PDE3B: variants seen among roughly 807,000 people sequenced by gnomAD.
The protein encoded by PDE3B is cGMP-inhibited 3',5'-cyclic phosphodiesterase 3B.
PDE3B carries 66 observed loss-of-function variants against 116.8 expected under a neutral mutation model. That is an observed-to-expected ratio of 0.56 (90% CI 0.46 to 0.69). The LOEUF (loss-of-function observed/expected upper bound fraction) is 0.69, where lower values mean the gene tolerates loss of function less well. Ranked by LOEUF, PDE3B falls within the 30% of genes least tolerant of loss-of-function variation. PDE3B has a pLI of 0.00. For synonymous variants in PDE3B, 595 were observed against 533.6 expected (o/e 1.12, Z -1.59); for missense variants, 1,384 against 1,368.1 (o/e 1.01, Z -0.18).
In PDE3B at chr11:14,832,844, A is replaced by G. The variant is rs199832585; in HGVS notation, c.2206+11A>G. On this transcript the variant is annotated intron_variant, in intron 10 of 15. Coordinates refer to ENST00000282096, the MANE Select transcript of PDE3B (RefSeq NM_000922.4). ...ATCGAGACATTCCTTGTAAGTATTA[A>G]CATATTTTATTATTTAAGTTCAAAT... The G allele has an allele frequency of 1.8e-4, 201 of 1,133,144 alleles. No individual in the cohort carries two copies. The African/African-American group carries it at 2.8e-3, about 16-fold the overall frequency. 70.2% of individuals were successfully genotyped at this position (1,133,144 alleles called of 1,614,324 possible).
intron 12 of PDE3B, among the ~76,000 whole-genome samples, chr11:14,856,480 A>G (rs528867502): frequency 2.6e-5 from 4 of 152,302 alleles, no homozygotes; most frequent in African/African-American, 7.2e-5. Context: ...TTTATCTGCT[A>G]TCTCTCTACT....
chr11:14,890,537 C>CTTTTTTTTTTTTTTT, the PDE3B span: 2 of 64,272 alleles, frequency 3.1e-5, no homozygotes, highest in African/African-American at 1.4e-4. Context: ...TAGACCAATT[C>CTTTTTTTTTTTTTTT]TTTTTTTTTT....
At chr11:14,784,171 C>G (rs1453344341) in intron 2 of PDE3B, among the ~76,000 whole-genome samples, 1 of 152,138 alleles carries the variant, frequency 6.6e-6, no homozygotes, top group Non-Finnish European at 1.5e-5. Flanking sequence ...AAACCTGTCC[C>G]TGATGCCAAA....
Position 14,804,038 on chromosome 11 carries a change from C to G in PDE3B, c.1510C>G (p.Leu504Val). ...SSVSLTHHVG[L>V]RRAGVLSSLS... ...TGTATCACTGACTCACCATGTAGGT[C>G]TCAGAAGAGCTGGTAAGAAATCATT... Residue 504 changes from leucine (L) to valine (V), a missense_variant, in exon 5 of 16, where the codon CTC becomes GTC. Transcript: ENST00000282096. 3 of 1,580,748 alleles carry G rather than the reference C, an allele frequency of 1.9e-6. No individual in the cohort carries two copies. Among genetic ancestry groups the G allele is most frequent in the Non-Finnish European group, 2.6e-6 (3 of 1,149,728 alleles).
intron 12 of PDE3B, among the ~76,000 whole-genome samples, chr11:14,856,363 C>T (rs372239079): frequency 2.6e-5 from 4 of 151,998 alleles, no homozygotes; most frequent in Admixed American, 6.5e-5. Context: ...AAGAACAAAC[C>T]GAGAACAGTG....
At chr11:14,802,076 G>A (rs969121705) in intron 4 of PDE3B, among the ~76,000 whole-genome samples, 3 of 152,334 alleles carry the variant, frequency 2.0e-5, no homozygotes, top group South Asian at 2.1e-4. Context: ...GCTCTGTGGC[G>A]GTGAGATCTG....
intron 1 of PDE3B, among the ~76,000 whole-genome samples, chr11:14,649,363 A>G (rs1163401024): frequency 6.6e-6 from 1 of 152,212 alleles, no homozygotes; most frequent in Non-Finnish European, 1.5e-5. Flanking sequence ...ATCTAATCTA[A>G]TTGAAATCTG....
At chr11:14,682,395 G>C (rs558750812) in intron 1 of PDE3B, among the ~76,000 whole-genome samples, 1 of 152,256 alleles carries the variant, frequency 6.6e-6, no homozygotes, top group Admixed American at 6.5e-5. Context: ...ATGAATAAGA[G>C]AGATGTGATA....
At chr11:14,804,358 G>A (rs1392983027) in intron 5 of PDE3B, among the ~76,000 whole-genome samples, 1 of 151,414 alleles carries the variant, frequency 6.6e-6, no homozygotes, top group Non-Finnish European at 1.5e-5. Context: ...TCAAGAAAGA[G>A]TATTTTTTTT....
chr11:14,690,100 C>G (rs1201329796), intron 1 of PDE3B, among the ~76,000 whole-genome samples: 1 of 152,064 alleles, frequency 6.6e-6, no homozygotes, highest in East Asian at 1.9e-4. Flanking sequence ...TGTTATGACA[C>G]AAAGATGGAA....
intron 1 of PDE3B, among the ~76,000 whole-genome samples, chr11:14,762,009 A>G (rs2133888283): frequency 6.6e-6 from 1 of 152,264 alleles, no homozygotes; most frequent in South Asian, 2.1e-4. Flanking sequence ...ATGCAGTTCT[A>G]AAATAAAGAC....
chr11:14,742,103 T>G (rs555489726), intron 1 of PDE3B, among the ~76,000 whole-genome samples: 5 of 151,834 alleles, frequency 3.3e-5, no homozygotes, highest in Admixed American at 1.3e-4. Context: ...CTTTGTGGTG[T>G]TCTCTGTATT....
At chr11:14,753,060 G>C (rs1857096519) in intron 1 of PDE3B, among the ~76,000 whole-genome samples, 1 of 152,078 alleles carries the variant, frequency 6.6e-6, no homozygotes, top group Non-Finnish European at 1.5e-5. Context: ...TGTTTTGTCA[G>C]GAGTCTAGGA....
At chr11:14,754,721 A>C (rs778188976) in intron 1 of PDE3B, among the ~76,000 whole-genome samples, 2 of 152,138 alleles carry the variant, frequency 1.3e-5, no homozygotes, top group African/African-American at 2.4e-5. Context: ...CCTGGGCAAC[A>C]TTGCAAGGCT....
At chr11:14,874,091 T>C (rs1403477714), downstream of PDE3B, among the ~76,000 whole-genome samples, 2 of 152,210 alleles carry the variant, frequency 1.3e-5, no homozygotes, top group African/African-American at 2.4e-5. Flanking sequence ...TGGTGTGGTA[T>C]TGTAACTATT....
At chr11:14,659,419 A>G (rs537269149) in intron 1 of PDE3B, among the ~76,000 whole-genome samples, 15 of 152,346 alleles carry the variant, frequency 9.8e-5, no homozygotes, top group Middle Eastern at 3.4e-3. Flanking sequence ...TTTTAACATA[A>G]ATTTACTAAT....
At chr11:14,683,431 C>T (rs1419211860) in intron 1 of PDE3B, among the ~76,000 whole-genome samples, 1 of 152,000 alleles carries the variant, frequency 6.6e-6, no homozygotes, top group Non-Finnish European at 1.5e-5. Flanking sequence ...GTAATCGATT[C>T]ATTTCATCTA....
rs2133876317 is a variant in PDE3B at position 14,751,760 on chromosome 11, G to A, written c.979-20177G>A. ...TGACATCCTGAAAAGTGTTCAGAAA[G>A]CTTCCTAGACTTTCTATCTGAAAGA... is the stretch of plus-strand genomic sequence containing the variant. On this transcript the variant is annotated intron_variant, in intron 1 of 15. Coordinates refer to ENST00000282096, the MANE Select transcript of PDE3B (RefSeq NM_000922.4). 1.3e-5 allele frequency among the ~76,000 whole-genome samples: 2 copies of A among 152,238 alleles called. 1 individual carries two copies.
intron 11 of PDE3B, among the ~76,000 whole-genome samples, chr11:14,843,365 G>A (rs777663121): frequency 6.6e-6 from 1 of 152,170 alleles, no homozygotes; most frequent in African/African-American, 2.4e-5. Context: ...TAATCTTTCC[G>A]GATGAGATTT....
Sources: allele counts gnomAD v4.1 joint callset (sites outside exome capture counted in the v4.1 genomes callset), GRCh38; gene constraint gnomAD v4.1.1; transcripts MANE v1.5; gene names NCBI Gene and HGNC (gene_info 2026-07-23, HGNC 2026-07-21).